The following PHF21A variants were observed in gnomAD, a reference collection of about 807,000 sequenced individuals.
The protein encoded by PHF21A is PHD finger protein 21A.
PHF21A carries 11 observed loss-of-function variants against 82.5 expected under a neutral mutation model. The observed-to-expected ratio is 0.13, with a 90% CI of 0.08 to 0.22. The LOEUF is 0.22. PHF21A is among the 10% of genes least tolerant of loss of function. PHF21A has a pLI of 1.00. For missense variants in PHF21A, 579 were observed against 837.8 expected, an observed-to-expected ratio of 0.69 and a Z score of 3.81; for synonymous variants, 297 against 302.8, an observed-to-expected ratio of 0.98 and a Z score of 0.20.
chr11:46,107,677 C>T (rs1407245140), intron 1 of PHF21A, among the ~76,000 whole-genome samples: 2 of 151,964 alleles, frequency 1.3e-5, no homozygotes, highest in African/African-American at 4.8e-5. Context: ...ACCTGTGTAA[C>T]AAAATTTTTT....
chr11:45,984,884 ATCT>A (rs1460302893), intron 6 of PHF21A, among the ~76,000 whole-genome samples: 10 of 152,270 alleles, frequency 6.6e-5, no homozygotes, highest in Admixed American at 6.5e-4. Flanking sequence ...CACTCAAGAC[ATCT>A]TCTTACACAG....
intron 1 of PHF21A, among the ~76,000 whole-genome samples, chr11:46,116,319 T>A (rs1350797136): frequency 2.0e-5 from 3 of 152,242 alleles, no homozygotes; most frequent in Non-Finnish European, 4.4e-5. Flanking sequence ...TACATCTTTT[T>A]CACTGTGAAA....
chr11:45,968,850 G>GAACCTGGT (rs2093597597), intron 9 of PHF21A, among the ~76,000 whole-genome samples: 4 of 148,390 alleles, frequency 2.7e-5, no homozygotes, highest in Admixed American at 2.1e-4. Context: ...AGAATCGCTT[G>GAACCTGGT]AACCTGGTGG....
intron 6 of PHF21A, among the ~76,000 whole-genome samples, chr11:46,065,441 T>C (rs1441090530): frequency 1.3e-5 from 2 of 152,242 alleles, no homozygotes; most frequent in East Asian, 1.9e-4. Context: ...ATGCTGAGCA[T>C]GGCAGTGCTG....
chr11:45,971,400 T>C (rs774644289), intron 7 of PHF21A, 33 bp from the exon 8 acceptor site: 1 of 1,580,796 alleles, frequency 6.3e-7, no homozygotes, highest in Non-Finnish European at 8.6e-7. Context: ...ATTAGGACAC[T>C]AAATCTAAAC....
intron 10 of PHF21A, among the ~76,000 whole-genome samples, chr11:45,954,029 T>C (rs939640054): frequency 3.9e-5 from 6 of 152,156 alleles, no homozygotes; most frequent in Non-Finnish European, 8.8e-5. Context: ...GGAGTTTTGC[T>C]CTCGTTGCCC....
chr11:45,935,311 C>G, intron 18 of PHF21A: 7 of 1,217,964 alleles, frequency 5.7e-6, no homozygotes, highest in African/African-American at 1.5e-5. Flanking sequence ...GCGCTACACT[C>G]CCCCCACACA....
intron 6 of PHF21A, among the ~76,000 whole-genome samples, chr11:46,041,309 A>C (rs532113922): frequency 2.8e-4 from 42 of 152,334 alleles, no homozygotes; most frequent in African/African-American, 1.0e-3. Flanking sequence ...TAAGTCATTA[A>C]CAAATGAGAT....
intron 1 of PHF21A, among the ~76,000 whole-genome samples, chr11:46,095,260 G>A (rs557356827): frequency 7.2e-5 from 11 of 151,978 alleles, no homozygotes; most frequent in African/African-American, 2.7e-4. Flanking sequence ...CTATACACAC[G>A]TTTGTGCTTT....
At chr11:45,968,192 CCA>C (rs1254953011) in intron 9 of PHF21A, among the ~76,000 whole-genome samples, 29 of 152,314 alleles carry the variant, frequency 1.9e-4, no homozygotes, top group African/African-American at 6.7e-4. Context: ...TTCTTCCTGC[CCA>C]CAGTCTTGAC....
chr11:46,048,782 A>T (rs868248732), intron 6 of PHF21A, among the ~76,000 whole-genome samples: 1 of 150,236 alleles, frequency 6.7e-6, no homozygotes, highest in South Asian at 2.1e-4. Context: ...AAAAAAAATA[A>T]TTTTTTTTTT....
At chr11:46,011,052 T>C (rs1046286823) in intron 6 of PHF21A, among the ~76,000 whole-genome samples, 9 of 152,200 alleles carry the variant, frequency 5.9e-5, no homozygotes. Flanking sequence ...TATAGTTCCC[T>C]TTCCCCTTTA....
At chr11:46,056,975 T>C (rs796287390) in intron 6 of PHF21A, among the ~76,000 whole-genome samples, 44 of 152,246 alleles carry the variant, frequency 2.9e-4, no homozygotes, top group African/African-American at 1.1e-3. Context: ...ACTGATTTTA[T>C]TTGCTTTAAA....
intron 3 of PHF21A, among the ~76,000 whole-genome samples, chr11:46,087,507 T>C (rs2096870255): frequency 6.6e-6 from 1 of 152,108 alleles, no homozygotes; most frequent in African/African-American, 2.4e-5. Context: ...GGACTAGTTG[T>C]AGAAAAACAT....
In PHF21A at chr11:45,979,914, G is replaced by A. The variant is rs1441820451; in HGVS notation, c.206C>T (p.Pro69Leu). The A allele has an allele frequency of 9.9e-6, 16 of 1,613,980 alleles. No individual in the cohort carries two copies. The highest frequency in any genetic ancestry group is 1.7e-5 in the Admixed American group (1 of 59,984). The change falls in exon 7 of 19, where the codon CCG (proline) becomes CTG (leucine). Residue 69 changes from proline (P) to leucine (L), a missense_variant. Physicochemically the swap from Pro to Leu is moderately conservative, Grantham distance 98. Coordinates refer to ENST00000676320, the MANE Select transcript of PHF21A (RefSeq NM_001352027.3). ...RKNLIVKQEQ[P>L]DKFQIQPLPQ... ...CAATGGCTGTATTTGGAACTTGTCCGGTTGTTCTTGCTTTACTATCAGGTT... is the reference window on the plus strand; with the variant it reads ...CAATGGCTGTATTTGGAACTTGTCCAGTTGTTCTTGCTTTACTATCAGGTT...
At chr11:46,099,604 CA>C (rs887810347) in intron 1 of PHF21A, among the ~76,000 whole-genome samples, 2 of 151,484 alleles carry the variant, frequency 1.3e-5, no homozygotes, top group Non-Finnish European at 1.5e-5. Flanking sequence ...GATACTCTTT[CA>C]CTTGAAGGGG....
chr11:45,939,266 C>T (rs756882574), intron 15 of PHF21A, among the ~76,000 whole-genome samples: 2 of 152,192 alleles, frequency 1.3e-5, no homozygotes, highest in African/African-American at 2.4e-5. Context: ...CTTACAGGTA[C>T]GGAAATCCAT....
chr11:46,028,774 A>C (rs2095805217), intron 6 of PHF21A, among the ~76,000 whole-genome samples: 1 of 151,690 alleles, frequency 6.6e-6, no homozygotes, highest in Non-Finnish European at 1.5e-5. Context: ...GGGTTTCACC[A>C]TGTTGGTCAG....
At chr11:45,951,719 G>T (rs1246546274) in intron 11 of PHF21A, among the ~76,000 whole-genome samples, 1 of 151,796 alleles carries the variant, frequency 6.6e-6, no homozygotes, top group African/African-American at 2.4e-5. Flanking sequence ...CACCCTTATT[G>T]GCCACTCACA....
Sources: gnomAD v4.1 joint callset for allele counts (sites outside exome capture counted in the v4.1 genomes callset) on GRCh38, gnomAD v4.1.1 for gene constraint, MANE v1.5 for transcripts, NCBI Gene and HGNC (gene_info 2026-07-23, HGNC 2026-07-21) for gene names.